The following INPP4B variants were observed in gnomAD, a reference collection of about 807,000 sequenced individuals.
INPP4B encodes inositol polyphosphate 4-phosphatase type II.
A neutral mutation model predicts 122.5 loss-of-function variants in INPP4B; 55 were observed. The observed-to-expected ratio is 0.45, with a 90% confidence interval of 0.36 to 0.56. The LOEUF is 0.56. Among genes scored for constraint, INPP4B ranks in the 20% least tolerant of loss-of-function variants. The pLI is 0.00. For missense variants in INPP4B, 1,000 were observed against 1,097.7 expected (o/e 0.91, Z 1.26); for synonymous variants, 403 against 388.7 (o/e 1.04, Z -0.43).
intron 1 of INPP4B, among the ~76,000 whole-genome samples, chr4:142,815,820 G>T (rs1211904339): frequency 6.6e-6 from 1 of 152,120 alleles, no homozygotes; most frequent in Non-Finnish European, 1.5e-5. Flanking sequence ...TAAAGGGTAG[G>T]TGAGAAACCT....
At chr4:142,777,754 T>C (rs958016585) in intron 1 of INPP4B, among the ~76,000 whole-genome samples, 4 of 152,284 alleles carry the variant, frequency 2.6e-5, no homozygotes, top group African/African-American at 9.6e-5. Context: ...CAAGCCTAAA[T>C]CTTGATTCCA....
chr4:142,774,226 G>A (rs1333323647), intron 1 of INPP4B, among the ~76,000 whole-genome samples: 1 of 152,042 alleles, frequency 6.6e-6, no homozygotes, highest in Non-Finnish European at 1.5e-5. Context: ...TCTGAGGCCT[G>A]CCTGGAGCTG....
chr4:142,750,028 C>A (rs530622490), intron 1 of INPP4B, among the ~76,000 whole-genome samples: 4 of 151,790 alleles, frequency 2.6e-5, no homozygotes, highest in South Asian at 4.2e-4. Context: ...TAATTAAAAC[C>A]AATTTTAATA....
In INPP4B at chr4:142,636,395, T is replaced by A. The variant is rs181574505; in HGVS notation, c.-191+89444A>T. 7.0e-3 allele frequency among the ~76,000 whole-genome samples: 1,061 copies of A among 152,068 alleles called. 13 individuals carry two copies. Among genetic ancestry groups the A allele is most frequent in the African/African-American group, 0.025 (1,026 of 41,496 alleles). ...AAAACCTATATGAAGAAATAAAAAA[T>A]TTTGAAAAACTAAGGAAAACCTAAG... On this transcript the variant is annotated intron_variant, in intron 2 of 25. Transcript: ENST00000262992.
chr4:142,650,292 G>A (rs1752664323), intron 2 of INPP4B, among the ~76,000 whole-genome samples: 1 of 152,210 alleles, frequency 6.6e-6, no homozygotes, highest in Admixed American at 6.5e-5. Context: ...TTGATGCTAT[G>A]AAGAAACTGC....
At chr4:142,491,704 GAA>G (rs1380916936) in intron 2 of INPP4B, among the ~76,000 whole-genome samples, 1 of 152,038 alleles carries the variant, frequency 6.6e-6, no homozygotes, top group Non-Finnish European at 1.5e-5. Context: ...TTTTTTAAAA[GAA>G]GACATACAAA....
intron 1 of INPP4B, among the ~76,000 whole-genome samples, chr4:142,743,239 CCTT>C (rs938177682): frequency 1.7e-4 from 26 of 152,026 alleles, no homozygotes; most frequent in African/African-American, 6.3e-4. Flanking sequence ...CCAGTTATCT[CCTT>C]AGTGATAACT....
intron 1 of INPP4B, among the ~76,000 whole-genome samples, chr4:142,834,721 T>C (rs912843073): frequency 1.3e-5 from 2 of 152,232 alleles, no homozygotes; most frequent in Admixed American, 1.3e-4. Flanking sequence ...GTTTTTGTTC[T>C]GCAGTATCTA....
chr4:142,256,171 A>G (rs916776004), intron 11 of INPP4B, among the ~76,000 whole-genome samples: 1 of 150,942 alleles, frequency 6.6e-6, no homozygotes, highest in Non-Finnish European at 1.5e-5. Flanking sequence ...ACAAAGACAC[A>G]ACATACCAGA....
intron 2 of INPP4B, among the ~76,000 whole-genome samples, chr4:142,707,061 A>G (rs932006815): frequency 6.6e-6 from 1 of 152,216 alleles, no homozygotes; most frequent in Admixed American, 6.5e-5. Flanking sequence ...GATAAGTACT[A>G]AACTGTCAAG....
Position 142,554,982 on chromosome 4 carries a change from TC to T in INPP4B, c.-190-92257del, listed in dbSNP as rs537521449. 1.9e-3 allele frequency among the ~76,000 whole-genome samples: 294 copies of T among 152,298 alleles called. 3 individuals carry two copies. Among genetic ancestry groups the T allele is most frequent in the African/African-American group, 6.7e-3 (277 of 41,552 alleles). ...ATATACTCTCTTAACATCAACTGCA[TC>T]CATGCTGGGGTCCTAAGGGCCTGGG... On this transcript the variant is annotated intron_variant, in intron 2 of 25. Transcript: ENST00000262992.
chr4:142,344,262 G>T (rs1456193702), intron 7 of INPP4B, among the ~76,000 whole-genome samples: 1 of 152,062 alleles, frequency 6.6e-6, no homozygotes, highest in Non-Finnish European at 1.5e-5. Flanking sequence ...GTAGCCAGAT[G>T]CAGGCTGTTA....
At chr4:142,636,750 A>G (rs1238313733) in intron 2 of INPP4B, among the ~76,000 whole-genome samples, 2 of 152,250 alleles carry the variant, frequency 1.3e-5, no homozygotes, top group East Asian at 3.9e-4. Context: ...ATATATTCAC[A>G]TACTTTAGTC....
At chr4:142,571,986 G>A (rs1732933033) in intron 2 of INPP4B, among the ~76,000 whole-genome samples, 1 of 152,106 alleles carries the variant, frequency 6.6e-6, no homozygotes, top group South Asian at 2.1e-4. Flanking sequence ...AAATAAGTTT[G>A]TGAATATTTC....
intron 7 of INPP4B, among the ~76,000 whole-genome samples, chr4:142,384,800 C>CAAAATAAA (rs1795405249): frequency 6.6e-6 from 1 of 151,994 alleles, no homozygotes; most frequent in Non-Finnish European, 1.5e-5. Context: ...GCCTAGTACC[C>CAAAATAAA]AATAGTTATT....
intron 2 of INPP4B, among the ~76,000 whole-genome samples, chr4:142,523,666 T>C (rs1215742004): frequency 6.6e-6 from 1 of 152,084 alleles, no homozygotes; most frequent in Non-Finnish European, 1.5e-5. Flanking sequence ...TTTTTTCTTT[T>C]ATTATTATAC....
intron 7 of INPP4B, among the ~76,000 whole-genome samples, chr4:142,359,188 G>C (rs1221409066): frequency 6.6e-6 from 1 of 150,762 alleles, no homozygotes; most frequent in East Asian, 2.0e-4. Context: ...TTCTTTAAAA[G>C]ACTGTAAAGA....
At chr4:142,454,237 T>A (rs1022816789) in intron 3 of INPP4B, among the ~76,000 whole-genome samples, 1 of 152,138 alleles carries the variant, frequency 6.6e-6, no homozygotes, top group Non-Finnish European at 1.5e-5. Flanking sequence ...TATGAATTTA[T>A]TGAGCACCTA....
intron 7 of INPP4B, among the ~76,000 whole-genome samples, chr4:142,360,716 G>A (rs2148532778): frequency 6.6e-6 from 1 of 151,950 alleles, no homozygotes; most frequent in South Asian, 2.1e-4. Flanking sequence ...TTACATAATA[G>A]TCAAGATGAT....
Sources: allele counts gnomAD v4.1 joint callset (sites outside exome capture counted in the v4.1 genomes callset), GRCh38; gene constraint gnomAD v4.1.1; transcripts MANE v1.5; gene names NCBI Gene and HGNC (gene_info 2026-07-23, HGNC 2026-07-21).